ZFHX2: variants seen among roughly 807,000 people sequenced by gnomAD.
The protein encoded by ZFHX2 is zinc finger homeobox protein 2.
A neutral mutation model predicts 164.8 loss-of-function variants in ZFHX2; 75 were observed. That is an observed-to-expected ratio of 0.46 (90% confidence interval 0.38 to 0.55). ZFHX2 has a LOEUF of 0.55. Among genes scored for constraint, ZFHX2 ranks in the 20% least tolerant of loss-of-function variants. The pLI is 0.00. For synonymous variants in ZFHX2, 1,217 were observed against 1,351.4 expected (o/e 0.90, Z 2.18); for missense variants, 2,933 against 3,308.0 (o/e 0.89, Z 2.78).
Position 23,521,163 on chromosome 14 carries a change from G to A in ZFHX2, c.*799C>T, listed in dbSNP as rs1274613426. ...TGAGAATAAGTTACTGCAGTTCCCA[G>A]GGTGCAAGGTAGGGATTGGCAGAGG... On this transcript the variant is annotated 3_prime_UTR_variant, in exon 10 of 10. Transcript: ENST00000419474. The A allele has an allele frequency of 6.6e-6, 1 of 152,392 alleles. No homozygotes were observed. The highest frequency in any genetic ancestry group is 6.5e-5 in the Admixed American group (1 of 15,286). 9.4% of individuals were successfully genotyped at this position (152,392 alleles called of 1,614,324 possible). A position where few individuals can be genotyped will look rare whatever the true frequency, so the allele number is the denominator to read the frequency against.
Position 23,534,582 on chromosome 14 carries a change from C to A in ZFHX2, c.744G>T (p.Lys248Asn). 6.5e-7 allele frequency: 1 copy of A among 1,536,160 alleles called. No individual in the cohort carries two copies. Reference sequence around the variant, plus strand: ...GTGTGTGATCCATAAAGGCCTGGGGCTTGCTGAAACCCAGGCGGCACAGAA... The same window carrying A: ...GTGTGTGATCCATAAAGGCCTGGGGATTGCTGAAACCCAGGCGGCACAGAA... The part of the protein sequence containing the change: ...LCLLCRLGFS[K>N]PQAFMDHTQS... Residue 248 changes from lysine to asparagine, a missense_variant, in exon 2 of 10, where the codon AAG becomes AAT. Transcript: ENST00000419474. The surrounding 1 kb of genome is among the most constrained non-coding windows in gnomAD (Gnocchi z 4.5).
At position 23,534,163 on chromosome 14, in the gene ZFHX2, G is replaced by T. The variant is rs578106293; in HGVS notation, c.1163C>A (p.Pro388Gln). The change falls in exon 2 of 10, where the codon CCA (proline) becomes CAA (glutamine). Residue 388 changes from proline (P) to glutamine (Q), a missense_variant. Coordinates refer to ENST00000419474, the MANE Select transcript of ZFHX2 (RefSeq NM_033400.3). This position sits in a 1 kb window ranked among gnomAD's most constrained non-coding sequence, Gnocchi z 4.5. Reference protein sequence around the residue: ...GQEEDGGLCPPLNQSSPTSKE... With the variant: ...GQEEDGGLCPQLNQSSPTSKE... ...GGAGGTGGGTGAGCTTTGGTTGAGT[G>T]GGGGGCAGAGCCCTCCATCCTCTTC... 5.0e-5 allele frequency: 74 copies of T among 1,472,766 alleles called. No individual in the cohort carries two copies. The highest frequency in any genetic ancestry group is 6.3e-5 in the Non-Finnish European group (70 of 1,115,876). 91.2% of individuals were successfully genotyped at this position (1,472,766 alleles called of 1,614,324 possible).
At position 23,521,751 on chromosome 14, in the gene ZFHX2, G is replaced by T. The variant is rs1034028296; in HGVS notation, c.*211C>A. ...ACATCTGCAAGGAGCTGAGGAGGAGGATCAATGTGTGTGTCTGTGGGGATT... is the reference window on the plus strand; with the variant it reads ...ACATCTGCAAGGAGCTGAGGAGGAGTATCAATGTGTGTGTCTGTGGGGATT... On this transcript the variant is annotated 3_prime_UTR_variant, in exon 10 of 10. Coordinates refer to ENST00000419474, the MANE Select transcript of ZFHX2 (RefSeq NM_033400.3). The T allele has an allele frequency of 9.9e-5, 82 of 825,868 alleles. No individual in the cohort carries two copies. Among genetic ancestry groups the T allele is most frequent in the South Asian group, 3.8e-5 (2 of 52,174 alleles). The allele number at this position is 825,868 out of a possible 1,614,324, so 51.2% of individuals were successfully genotyped here. A position where few individuals can be genotyped will look rare whatever the true frequency, so the allele number is the denominator to read the frequency against.
At position 23,522,195 on chromosome 14, in the gene ZFHX2, G is replaced by A; in HGVS notation, c.7486C>T (p.His2496Tyr). 1 of 1,489,158 alleles carries A rather than the reference G, an allele frequency of 6.7e-7. No homozygotes were observed. The highest frequency in any genetic ancestry group is 8.9e-7 in the Non-Finnish European group (1 of 1,123,706). 92.2% of individuals were successfully genotyped at this position (1,489,158 alleles called of 1,614,324 possible). Residue 2496 changes from histidine to tyrosine, a missense_variant, in exon 10 of 10, where the codon CAC (histidine) becomes TAC (tyrosine). Physicochemically the swap from His to Tyr is moderately conservative, Grantham distance 83. Coordinates refer to ENST00000419474, the MANE Select transcript of ZFHX2 (RefSeq NM_033400.3). ...AGCAGCACCTCACATGCCAGGCAGT[G>A]GTAGGTGCAGATGGGCACCCGCAAT... ...PPLRVPICTY[H>Y]CLACEVLLSG...
At chr14:23,531,342 G>T in intron 4 of ZFHX2, 139 bp downstream of exon 4, 2 of 1,230,530 alleles carry the variant, frequency 1.6e-6, no homozygotes, top group Non-Finnish European at 1.0e-6. Flanking sequence ...TTATCCCTTC[G>T]CAGCTTCTTC....
intron 1 of ZFHX2, among the ~76,000 whole-genome samples, chr14:23,545,969 A>G (rs553673676): frequency 4.6e-5 from 7 of 152,226 alleles, no homozygotes; most frequent in Non-Finnish European, 1.0e-4. Context: ...GAGAAGCCAA[A>G]TGACTGGTAA....
Position 23,521,796 on chromosome 14 carries a change from C to T in ZFHX2, c.*166G>A. On this transcript the variant is annotated 3_prime_UTR_variant, in exon 10 of 10. Coordinates refer to ENST00000419474, the MANE Select transcript of ZFHX2 (RefSeq NM_033400.3). ...GGGATTGGGAGGAGGCAGGACTCTG[C>T]TGGAAGTGGGGTGTGTGGTGCCCAC... The T allele has an allele frequency of 1.6e-6, 2 of 1,246,482 alleles. No individual in the cohort carries two copies. Among genetic ancestry groups the T allele is most frequent in the South Asian group, 1.6e-5 (1 of 63,042 alleles). The allele number at this position is 1,246,482 out of a possible 1,614,324, so 77.2% of individuals were successfully genotyped here.
At chr14:23,552,594 C>T (rs148087533), upstream of ZFHX2, among the ~76,000 whole-genome samples, 5 of 151,316 alleles carry the variant, frequency 3.3e-5, no homozygotes, top group East Asian at 5.8e-4. Flanking sequence ...GCGCCCAGCC[C>T]GTTTTTTTGT....
chr14:23,527,878 G>T, intron 6 of ZFHX2, 74 bp from the exon 7 acceptor site: 1 of 1,211,828 alleles, frequency 8.3e-7, no homozygotes, highest in Non-Finnish European at 1.2e-6. Context: ...TCCTTTGGAT[G>T]CAGCACTGGC....
At chr14:23,548,031 C>T (rs1881568626) in intron 1 of ZFHX2, among the ~76,000 whole-genome samples, 1 of 152,162 alleles carries the variant, frequency 6.6e-6, no homozygotes, top group East Asian at 1.9e-4. Context: ...TTTCTCAATC[C>T]CTGAATGAGT....
Position 23,522,959 on chromosome 14 carries a change from A to G in ZFHX2, c.6740-18T>C. 1 of 1,436,152 alleles carries G rather than the reference A, an allele frequency of 7.0e-7. No homozygotes were observed. Among genetic ancestry groups the G allele is most frequent in the Non-Finnish European group, 9.1e-7 (1 of 1,099,746 alleles). 89.0% of individuals were successfully genotyped at this position (1,436,152 alleles called of 1,614,324 possible). A position where few individuals can be genotyped will look rare whatever the true frequency, so the allele number is the denominator to read the frequency against. ...TGCCGGGCCTAGAAAGGTGAAAGGA[A>G]GGATGAAGGATTAGCCATCTCCTGT... On this transcript the variant is annotated intron_variant, in intron 9 of 9. Coordinates refer to ENST00000419474, the MANE Select transcript of ZFHX2 (RefSeq NM_033400.3).
Position 23,526,399 on chromosome 14 carries a change from C to T in ZFHX2, c.3543G>A (p.Leu1181=), listed in dbSNP as rs987972744. Residue 1181 remains leucine, a synonymous_variant, in exon 9 of 10, where the codon CTG becomes CTA. Coordinates refer to ENST00000419474, the MANE Select transcript of ZFHX2 (RefSeq NM_033400.3). The stretch of plus-strand genomic sequence containing the variant: ...GCCGGGCAGGGTCGAGAAACTTGTC[C>T]AGGGCAAAGTTGGTGGTTTTCCGAT... ...LTYRKTTNFA[L]DKFLDPARPY... is the part of the protein sequence containing the mutation. The T allele has an allele frequency of 1.3e-6, 2 of 1,536,092 alleles. No individual in the cohort carries two copies. The highest frequency in any genetic ancestry group is 2.0e-5 in the Admixed American group (1 of 50,968).
At position 23,546,654 on chromosome 14, in the gene ZFHX2, C is replaced by T. The variant is rs1394049987; in HGVS notation, c.-50+4689G>A. On this transcript the variant is annotated intron_variant, in intron 1 of 9. Transcript: ENST00000419474. The surrounding 1 kb of genome is among the most constrained non-coding windows in gnomAD (Gnocchi z 4.7). ...GGCAGGCAGTTCCCTAGGACTTTCCCCAGAGAGGCAAGGGGCTCTGGGAAA... is the reference window on the plus strand; with the variant it reads ...GGCAGGCAGTTCCCTAGGACTTTCCTCAGAGAGGCAAGGGGCTCTGGGAAA... 6.6e-6 allele frequency among the ~76,000 whole-genome samples: 1 copy of T among 152,130 alleles called. No homozygotes were observed. The highest frequency in any genetic ancestry group is 2.1e-4 in the South Asian group (1 of 4,810).
rs777697799 is a variant in ZFHX2 at position 23,523,992 on chromosome 14, C to T, written c.5950G>A (p.Gly1984Arg). Residue 1984 changes from glycine (G) to arginine (R), a missense_variant, in exon 9 of 10, where the codon GGG becomes AGG. Coordinates refer to ENST00000419474, the MANE Select transcript of ZFHX2 (RefSeq NM_033400.3). The surrounding 1 kb of genome is among the most constrained non-coding windows in gnomAD (Gnocchi z 4.1). ...ASGPQPFLPP[G>R]KEATTPTPEP... ...GGTGTTGGGGTGGTGGCCTCTTTCC[C>T]AGGTGGTAGGAAAGGCTGGGGCCCA... The T allele has an allele frequency of 1.2e-5, 18 of 1,524,040 alleles. No individual in the cohort carries two copies. The highest frequency in any genetic ancestry group is 4.0e-5 in the Admixed American group (2 of 49,980). 94.4% of individuals were successfully genotyped at this position (1,524,040 alleles called of 1,614,324 possible).
chr14:23,525,530 G>T lies in ZFHX2; in HGVS notation c.4412C>A (p.Pro1471His). 1 of 1,535,660 alleles carries T rather than the reference G, an allele frequency of 6.5e-7. No individual in the cohort carries two copies. The highest frequency in any genetic ancestry group is 2.0e-5 in the Admixed American group (1 of 51,008). Residue 1471 changes from proline to histidine, a missense_variant, in exon 9 of 10, where the codon CCT (proline) becomes CAT (histidine). Transcript: ENST00000419474. This position sits in a 1 kb window ranked among gnomAD's most constrained non-coding sequence, Gnocchi z 5.9. The part of the protein sequence containing the change: ...AVPPPPTPPP[P>H]EALGGGDKLA... ...CTTGTCCCCACCCCCGAGGGCCTCA[G>T]GTGGGGGTGGGGTAGGGGGAGGGGG...
chr14:23,522,397 T>C lies in ZFHX2; in HGVS notation c.7284A>G (p.Glu2428=), dbSNP rs1454845856. 3 of 1,536,328 alleles carry C rather than the reference T, an allele frequency of 2.0e-6. No individual in the cohort carries two copies. Among genetic ancestry groups the C allele is most frequent in the East Asian group, 2.4e-5 (1 of 40,910 alleles). Reference sequence around the variant, plus strand: ...TCAGCAGCTCATCAACCTCACCAGCTTCCCCCTCCCCTGGAGCAGGCAGTT... The same window carrying C: ...TCAGCAGCTCATCAACCTCACCAGCCTCCCCCTCCCCTGGAGCAGGCAGTT... ...PPELPAPGEG[E]AGEVDELLTG... Residue 2428 remains glutamate, a synonymous_variant, in exon 10 of 10, where the codon GAA becomes GAG. Transcript: ENST00000419474.
At chr14:23,527,549 C>T in intron 7 of ZFHX2, 55 bp downstream of exon 7, 2 of 1,530,836 alleles carry the variant, frequency 1.3e-6, no homozygotes. Flanking sequence ...TTCCTCCCCT[C>T]CTGCACAGCC....
rs1879875502 is a variant in ZFHX2, at chr14:23,533,983, T to C, written c.1343A>G (p.Asn448Ser). ...GGGACACTTGAGTGTCTTGCAGGAG[T>C]TGCGTGAGTGGAGCAGGGACATGTG... ...SSHMSLLHSR[N>S]SCKTLKCPKC... The change falls in exon 2 of 10, where the codon AAC (asparagine) becomes AGC (serine). Residue 448 changes from asparagine to serine, a missense_variant. Transcript: ENST00000419474. This position sits in a 1 kb window ranked among gnomAD's most constrained non-coding sequence, Gnocchi z 4.8. 2.0e-6 allele frequency: 3 copies of C among 1,537,064 alleles called. No homozygotes were observed. The highest frequency in any genetic ancestry group is 2.6e-6 in the Non-Finnish European group (3 of 1,146,860).
rs771161980 is a variant in ZFHX2, at chr14:23,526,202, G to A, written c.3740C>T (p.Pro1247Leu). ...GACTCTGCAGACTGTGCACTTAAAG[G>A]GCTTGTCTGTGGCAGCAGTGGTGGT... ...PPTTTAATDK[P>L]FKCTVCRVSY... The change falls in exon 9 of 10, where the codon CCC becomes CTC. Residue 1247 changes from proline to leucine, a missense_variant. Transcript: ENST00000419474. The A allele has an allele frequency of 2.9e-5, 45 of 1,536,428 alleles. No individual in the cohort carries two copies. The highest frequency in any genetic ancestry group is 3.9e-5 in the Admixed American group (2 of 50,980).
Sources: allele counts gnomAD v4.1 joint callset (sites outside exome capture counted in the v4.1 genomes callset), GRCh38; gene constraint gnomAD v4.1.1; non-coding constraint Gnocchi (gnomAD v3.1); transcripts MANE v1.5; gene names NCBI Gene and HGNC (gene_info 2026-07-23, HGNC 2026-07-21).